Variants in PVT1 observed in about 807,000 individuals in gnomAD.
PVT1 encodes CXCR4/PVT1 fusion.
chr8:128,007,002 C>T (rs1051453823), intron 4 of PVT1, among the ~76,000 whole-genome samples: 11 of 152,160 alleles, frequency 7.2e-5, no homozygotes, highest in African/African-American at 2.7e-4. Flanking sequence ...GAACTATAAC[C>T]TGAATTTAAC....
At chr8:128,026,407 C>T (rs1359382315) in intron 4 of PVT1, among the ~76,000 whole-genome samples, 1 of 151,670 alleles carries the variant, frequency 6.6e-6, no homozygotes, top group Non-Finnish European at 1.5e-5. Context: ...TTTGTTTGGG[C>T]TCTCATTTAA....
chr8:128,091,199 C>T (rs1013822505), intron 5 of PVT1, among the ~76,000 whole-genome samples: 2 of 152,202 alleles, frequency 1.3e-5, no homozygotes, highest in Non-Finnish European at 2.9e-5. Flanking sequence ...ACTCCTCGGA[C>T]TGTCCCGGCC....
At chr8:127,838,376 A>AT (rs1814932264) in intron 2 of PVT1, among the ~76,000 whole-genome samples, 1 of 152,012 alleles carries the variant, frequency 6.6e-6, no homozygotes, top group Non-Finnish European at 1.5e-5. Context: ...AAGGTTTGTC[A>AT]TTTGGAGGAA....
intron 2 of PVT1, among the ~76,000 whole-genome samples, chr8:127,857,749 G>A (rs1815177037): frequency 6.6e-6 from 1 of 152,200 alleles, no homozygotes; most frequent in Admixed American, 6.5e-5. Context: ...TTCTGACATT[G>A]TTTATTGCTT....
chr8:128,035,376 T>C lies in PVT1; in HGVS notation n.913-34784T>C, dbSNP rs529812842. On this transcript the variant is annotated intron_variant and non_coding_transcript_variant, in intron 4 of 10. Coordinates refer to ENST00000651587, the Ensembl canonical transcript of PVT1. ...AATTTCTAAGGGTTCCCAGTACATA[T>C]GTATATGTCTGCTCAGCCTTCCTTG... Among the ~76,000 whole-genome samples the C allele has an allele frequency of 3.3e-5, 5 of 152,326 alleles. No homozygotes were observed. In the South Asian group the frequency reaches 8.3e-4, roughly 25 times the overall value.
At chr8:127,895,709 T>C (rs1815666547) in intron 3 of PVT1, among the ~76,000 whole-genome samples, 1 of 152,168 alleles carries the variant, frequency 6.6e-6, no homozygotes, top group Admixed American at 6.5e-5. Flanking sequence ...TAACATTACG[T>C]TTAGCTCTGA....
chr8:127,913,509 A>T (rs1478398863), intron 3 of PVT1, among the ~76,000 whole-genome samples: 2 of 152,148 alleles, frequency 1.3e-5, no homozygotes, highest in African/African-American at 4.8e-5. Context: ...GGACAGGGGC[A>T]GTTAAGCCTG....
At chr8:128,016,514 T>A (rs1183490780) in intron 4 of PVT1, among the ~76,000 whole-genome samples, 1 of 152,176 alleles carries the variant, frequency 6.6e-6, no homozygotes, top group Non-Finnish European at 1.5e-5. Context: ...CTCTGTGTTA[T>A]TAAGGATAGA....
At chr8:127,871,051 A>G (rs1367773649) in intron 2 of PVT1, among the ~76,000 whole-genome samples, 1 of 152,228 alleles carries the variant, frequency 6.6e-6, no homozygotes, top group Non-Finnish European at 1.5e-5. Flanking sequence ...CTCCTGGTCT[A>G]TATTCCAGAT....
chr8:128,062,969 C>T (rs1197143288), intron 4 of PVT1, among the ~76,000 whole-genome samples: 1 of 152,156 alleles, frequency 6.6e-6, no homozygotes, highest in African/African-American at 2.4e-5. Context: ...TGGGGCAAGT[C>T]ACAGATCTTT....
At chr8:127,836,197 G>A (rs1246284377) in intron 2 of PVT1, among the ~76,000 whole-genome samples, 1 of 152,044 alleles carries the variant, frequency 6.6e-6, no homozygotes, top group African/African-American at 2.4e-5. Context: ...CTTTGATTTT[G>A]GTGTGACTCC....
chr8:127,939,004 C>T (rs1475085562), intron 3 of PVT1, among the ~76,000 whole-genome samples: 2 of 152,144 alleles, frequency 1.3e-5, no homozygotes, highest in Non-Finnish European at 2.9e-5. Flanking sequence ...TCACAGAAGC[C>T]TCATTCTCTT....
At chr8:127,885,859 C>T (rs1815516737) in intron 2 of PVT1, among the ~76,000 whole-genome samples, 2 of 152,144 alleles carry the variant, frequency 1.3e-5, no homozygotes, top group Admixed American at 6.6e-5. Flanking sequence ...CTTCTTTTCT[C>T]TTAGGGGCTG....
intron 5 of PVT1, among the ~76,000 whole-genome samples, chr8:128,074,538 G>T (rs973129103): frequency 2.6e-5 from 4 of 151,118 alleles, no homozygotes; most frequent in Non-Finnish European, 5.9e-5. Context: ...AAAAAAAAAG[G>T]GGGGGGCTCC....
intron 3 of PVT1, among the ~76,000 whole-genome samples, chr8:127,966,080 A>G (rs755520): frequency 0.39 from 59,167 of 152,044 alleles, 11,979 homozygotes; most frequent in East Asian, 0.6. Context: ...ATTAAATTGC[A>G]TTACTTAGAG....
At chr8:127,920,539 C>T (rs1049006809) in intron 3 of PVT1, among the ~76,000 whole-genome samples, 5 of 152,178 alleles carry the variant, frequency 3.3e-5, no homozygotes, top group African/African-American at 1.2e-4. Flanking sequence ...CGTTTAAAGG[C>T]TTAGAACAGT....
At chr8:128,065,423 T>G (rs1270729828) in intron 4 of PVT1, among the ~76,000 whole-genome samples, 1 of 152,180 alleles carries the variant, frequency 6.6e-6, no homozygotes, top group Non-Finnish European at 1.5e-5. Flanking sequence ...TGACTGCAAG[T>G]GATCCACCCA....
chr8:128,018,422 T>C (rs1400812945), intron 4 of PVT1, among the ~76,000 whole-genome samples: 3 of 152,234 alleles, frequency 2.0e-5, no homozygotes, highest in African/African-American at 7.2e-5. Context: ...CCTTCATTGC[T>C]GCATGTAATG....
At chr8:128,072,486 G>T (rs889444435) in intron 5 of PVT1, among the ~76,000 whole-genome samples, 1 of 152,114 alleles carries the variant, frequency 6.6e-6, no homozygotes, top group Non-Finnish European at 1.5e-5. Flanking sequence ...CCATCTCCAG[G>T]TTCCTTATTC....
Sources: gnomAD v4.1 joint callset for allele counts (sites outside exome capture counted in the v4.1 genomes callset) on GRCh38, gnomAD v4.1.1 for gene constraint, MANE v1.5 for transcripts, NCBI Gene and HGNC (gene_info 2026-07-23, HGNC 2026-07-21) for gene names.